The following KCNJ6 variants were observed in gnomAD, a reference collection of about 807,000 sequenced individuals.
KCNJ6 encodes potassium inwardly rectifying channel subfamily J member 6, also known as G protein-activated inward rectifier potassium channel 2.
A neutral mutation model predicts 34.2 loss-of-function variants in KCNJ6; 9 were observed. The ratio of observed to expected loss-of-function variants is 0.26; its 90% confidence interval spans 0.16 to 0.46. The LOEUF is 0.46. KCNJ6 is among the 20% of genes least tolerant of loss of function. The probability of loss-of-function intolerance (pLI) is 1.00; values close to 1 mark genes in which losing one functional copy is unlikely to be tolerated. For synonymous variants in KCNJ6, 196 were observed against 207.1 expected (o/e 0.95, Z 0.46); for missense variants, 236 against 531.3 (o/e 0.44, Z 5.46).
At chr21:37,757,664 C>T (rs975853895) in intron 2 of KCNJ6, among the ~76,000 whole-genome samples, 1 of 106,430 alleles carries the variant, frequency 9.4e-6, no homozygotes, top group African/African-American at 3.4e-5. Context: ...CTCACAGATT[C>T]CAGCCTGGAG....
chr21:37,796,779 CTTTTTTT>C (rs1172378200), intron 2 of KCNJ6, among the ~76,000 whole-genome samples: 2 of 71,490 alleles, frequency 2.8e-5, no homozygotes, highest in African/African-American at 6.3e-5. Flanking sequence ...TTCTTTCTTT[CTTTTTTT>C]TTTTTTTTTT....
At chr21:37,905,044 G>A (rs1341917366) in intron 1 of KCNJ6, among the ~76,000 whole-genome samples, 4 of 152,204 alleles carry the variant, frequency 2.6e-5, no homozygotes, top group Non-Finnish European at 5.9e-5. Context: ...CTGGACTGCA[G>A]CCACGTGCGC....
intron 3 of KCNJ6, among the ~76,000 whole-genome samples, chr21:37,632,218 C>T (rs1236271403): frequency 1.5e-5 from 2 of 134,892 alleles, no homozygotes; most frequent in Non-Finnish European, 3.4e-5. Context: ...ATGCACAGGA[C>T]GGAAAACAAT....
intron 3 of KCNJ6, among the ~76,000 whole-genome samples, chr21:37,665,503 A>G (rs1709833): frequency 0.58 from 87,731 of 152,084 alleles, 25,566 homozygotes; most frequent in East Asian, 0.85. Flanking sequence ...CAGATCAGAT[A>G]GGAAAGTAAT....
intron 3 of KCNJ6, among the ~76,000 whole-genome samples, chr21:37,672,409 C>G (rs1258969037): frequency 6.6e-6 from 1 of 151,898 alleles, no homozygotes; most frequent in Non-Finnish European, 1.5e-5. Context: ...GAAGGGAAAG[C>G]AGGAGACCTG....
intron 1 of KCNJ6, 49 bp from the exon 2 acceptor site, chr21:37,840,758 T>TTCATATCTAA: frequency 9.8e-7 from 1 of 1,016,110 alleles, no homozygotes; most frequent in Non-Finnish European, 1.5e-6. Flanking sequence ...GTCTTAGATA[T>TTCATATCTAA]GAATTGATCT....
intron 2 of KCNJ6, among the ~76,000 whole-genome samples, chr21:37,769,730 T>C (rs2055108874): frequency 6.6e-6 from 1 of 152,180 alleles, no homozygotes; most frequent in South Asian, 2.1e-4. Context: ...TGAAACTTAA[T>C]GGCCAATGGG....
At chr21:37,729,334 TGG>T (rs57813800) in intron 2 of KCNJ6, among the ~76,000 whole-genome samples, 54,595 of 132,214 alleles carry the variant, frequency 0.41, 10,122 homozygotes, top group South Asian at 0.51. Flanking sequence ...TTCTTCTTTT[TGG>T]GGGGGGGGGC....
At chr21:37,907,004 A>G (rs2123650804) in intron 1 of KCNJ6, among the ~76,000 whole-genome samples, 1 of 152,266 alleles carries the variant, frequency 6.6e-6, no homozygotes, top group South Asian at 2.1e-4. Context: ...TCTTGAGAGG[A>G]GGAATTATAT....
intron 3 of KCNJ6, among the ~76,000 whole-genome samples, chr21:37,626,127 C>CT (rs1281419088): frequency 1.3e-4 from 10 of 79,980 alleles, no homozygotes; most frequent in East Asian, 5.4e-4. Flanking sequence ...GCTTTTCCCC[C>CT]TTCTTTTTTT....
At chr21:37,830,696 AG>A (rs1387482876) in intron 2 of KCNJ6, among the ~76,000 whole-genome samples, 1 of 152,192 alleles carries the variant, frequency 6.6e-6, no homozygotes, top group Non-Finnish European at 1.5e-5. Flanking sequence ...TCAGAAGGTG[AG>A]GGGCAACGTG....
At chr21:37,708,246 T>C (rs2054731638) in intron 3 of KCNJ6, among the ~76,000 whole-genome samples, 1 of 152,230 alleles carries the variant, frequency 6.6e-6, no homozygotes, top group Non-Finnish European at 1.5e-5. Flanking sequence ...TTTCTTACAG[T>C]AGCCTGCCTT....
At chr21:37,893,727 T>TC (rs5843876) in intron 1 of KCNJ6, among the ~76,000 whole-genome samples, 152,086 of 152,086 alleles carry the variant, frequency 1, 76,043 homozygotes, top group Non-Finnish European at 1. Context: ...TGGATTATAT[T>TC]CTACGGAAGC....
rs758878702 is a variant in KCNJ6 at position 37,714,944 on chromosome 21, C to T, written c.213G>A (p.Arg71=). 1.2e-6 allele frequency: 2 copies of T among 1,613,814 alleles called. No homozygotes were observed. The highest frequency in any genetic ancestry group is 2.7e-5 in the African/African-American group (2 of 74,812). ...GKCNVHHGNV[R]ETYRYLTDIF... Reference sequence around the variant, plus strand: ...TATCGGTCAGGTAGCGATAGGTCTCCCTCACGTTGCCGTGATGAACATTGC... The same window carrying T: ...TATCGGTCAGGTAGCGATAGGTCTCTCTCACGTTGCCGTGATGAACATTGC... Residue 71 remains arginine (R), a synonymous_variant, in exon 3 of 4, where the codon AGG becomes AGA. Transcript: ENST00000609713. The surrounding 1 kb of genome is among the most constrained non-coding windows in gnomAD (Gnocchi z 5.9).
intron 3 of KCNJ6, among the ~76,000 whole-genome samples, chr21:37,679,927 C>A (rs562082247): frequency 6.6e-6 from 1 of 152,324 alleles, no homozygotes; most frequent in South Asian, 2.1e-4. Flanking sequence ...CTGAGAGTAT[C>A]CATGGTCACT....
chr21:37,799,823 G>C (rs2055260813), intron 2 of KCNJ6, among the ~76,000 whole-genome samples: 1 of 152,158 alleles, frequency 6.6e-6, no homozygotes, highest in South Asian at 2.1e-4. Flanking sequence ...CCCTAATTTT[G>C]AGAGAGCACT....
At chr21:37,887,586 G>A (rs906557077) in intron 1 of KCNJ6, among the ~76,000 whole-genome samples, 1 of 152,176 alleles carries the variant, frequency 6.6e-6, no homozygotes, top group Non-Finnish European at 1.5e-5. Context: ...GTTACGTGCT[G>A]TAAATTCAAG....
At chr21:37,729,482 C>G (rs1328333695) in intron 2 of KCNJ6, among the ~76,000 whole-genome samples, 1 of 152,154 alleles carries the variant, frequency 6.6e-6, no homozygotes, top group Admixed American at 6.5e-5. Flanking sequence ...GGCCACCATG[C>G]CTAGCTAATT....
In KCNJ6 at chr21:37,661,614, G is replaced by GTTTTTTTT. The variant is rs59026391; in HGVS notation, c.947-36138_947-36131dup. 1.1e-3 allele frequency among the ~76,000 whole-genome samples: 81 copies of GTTTTTTTT among 71,174 alleles called. 22 individuals are homozygous for GTTTTTTTT. Among genetic ancestry groups the GTTTTTTTT allele is most frequent in the African/African-American group, 2.0e-3 (37 of 18,692 alleles). 46.7% of individuals were successfully genotyped at this position (71,174 alleles called of 152,430 possible). A position where few individuals can be genotyped will look rare whatever the true frequency, so the allele number is the denominator to read the frequency against. On this transcript the variant is annotated intron_variant, in intron 3 of 3. Coordinates refer to ENST00000609713, the MANE Select transcript of KCNJ6 (RefSeq NM_002240.5). ...TCCACCCATTTCCTTAAGAGACATAGTTTTTTTTTTTTTTTTTTTTTTTTT... is the reference window on the plus strand; with the variant it reads ...TCCACCCATTTCCTTAAGAGACATAGTTTTTTTTTTTTTTTTTTTTTTTTTTTTTTTTT...
Sources: gnomAD v4.1 joint callset for allele counts (sites outside exome capture counted in the v4.1 genomes callset) on GRCh38, gnomAD v4.1.1 for gene constraint, Gnocchi (gnomAD v3.1) non-coding constraint, MANE v1.5 for transcripts, NCBI Gene and HGNC (gene_info 2026-07-23, HGNC 2026-07-21) for gene names.